Variants in RTEL1 observed in about 807,000 individuals in gnomAD.
The protein encoded by RTEL1 is regulator of telomere length.
RTEL1 carries 86 observed loss-of-function variants against 162.2 expected under a neutral mutation model. That is an observed-to-expected ratio of 0.53 (90% CI 0.45 to 0.63). RTEL1 has a LOEUF of 0.63. Among genes scored for constraint, RTEL1 ranks in the 30% least tolerant of loss-of-function variants. RTEL1 has a pLI of 0.00. For missense variants in RTEL1, 1,941 were observed against 1,750.2 expected, an observed-to-expected ratio of 1.11 and a Z score of -1.95; for synonymous variants, 958 against 717.9, an observed-to-expected ratio of 1.33 and a Z score of -5.35.
In RTEL1 at chr20:63,692,971, C is replaced by T. The variant is rs1471919191; in HGVS notation, c.2819C>T (p.Ala940Val). The T allele has an allele frequency of 7.4e-6, 12 of 1,612,624 alleles. No homozygotes were observed. The highest frequency in any genetic ancestry group is 1.0e-5 in the Non-Finnish European group (12 of 1,179,832). The part of the protein sequence containing the change: ...ALAACLGPLF[A>V]EDPKKHNLLQ... ...GCCGCCTGTCTCGGCCCCCTCTTTGCTGAGGACCCCAAGAAGCACAACCTG... is the reference window on the plus strand; with the variant it reads ...GCCGCCTGTCTCGGCCCCCTCTTTGTTGAGGACCCCAAGAAGCACAACCTG... The change falls in exon 29 of 35, where the codon GCT (alanine) becomes GTT (valine). Residue 940 changes from alanine (A) to valine (V), a missense_variant. Transcript: ENST00000360203.
At chr20:63,671,583 G>A (rs1170163592) in intron 8 of RTEL1, among the ~76,000 whole-genome samples, 2 of 150,208 alleles carry the variant, frequency 1.3e-5, no homozygotes, top group South Asian at 2.1e-4. Context: ...CTGGGTTCAC[G>A]CCATTCTCCT....
Position 63,687,626 on chromosome 20 carries a change from C to A in RTEL1, c.1349-12C>A. On this transcript the variant is annotated splice_polypyrimidine_tract_variant and intron_variant, in intron 16 of 34. Coordinates refer to ENST00000360203, the MANE Select transcript of RTEL1 (RefSeq NM_001283009.2). ...TCACACTCTGTGCCCTCTGCCGCCC[C>A]CCGCCCCACAGGGAAGGTGCTGAGC... 6.3e-7 allele frequency: 1 copy of A among 1,599,484 alleles called. No individual in the cohort carries two copies. The highest frequency in any genetic ancestry group is 8.5e-7 in the Non-Finnish European group (1 of 1,173,830).
Position 63,668,312 on chromosome 20 carries a change from T to C in RTEL1, c.699+759T>C, listed in dbSNP as rs992473292. Among the ~76,000 whole-genome samples the C allele has an allele frequency of 2.6e-5, 4 of 152,202 alleles. No homozygotes were observed. The highest frequency in any genetic ancestry group is 4.4e-5 in the Non-Finnish European group (3 of 68,044). Reference sequence around the variant, plus strand: ...TGGTGACGTTTCCAGATCCCGTCGTTGGTTCGCTCATTCTCGGGGTGTATA... The same window carrying C: ...TGGTGACGTTTCCAGATCCCGTCGTCGGTTCGCTCATTCTCGGGGTGTATA... On this transcript the variant is annotated intron_variant, in intron 8 of 34. Coordinates refer to ENST00000360203, the MANE Select transcript of RTEL1 (RefSeq NM_001283009.2). This position sits in a 1 kb window ranked among gnomAD's most constrained non-coding sequence, Gnocchi z 4.3.
At chr20:63,693,091 T>C (rs1464574075) in intron 29 of RTEL1, 52 bp from the exon 30 acceptor site, 3 of 1,611,430 alleles carry the variant, frequency 1.9e-6, no homozygotes, top group African/African-American at 2.7e-5. Flanking sequence ...AGGTGGTCTC[T>C]GTTCTCTAGA....
chr20:63,693,047 C>A, intron 29 of RTEL1, 44 bp downstream of exon 29: 1 of 1,609,946 alleles, frequency 6.2e-7, no homozygotes, highest in Non-Finnish European at 8.5e-7. Context: ...GGCAGTGCTG[C>A]CGCCGCGTGT....
In RTEL1 at chr20:63,693,164, C is replaced by G; in HGVS notation, c.2873C>G (p.Pro958Arg). 3 of 1,612,196 alleles carry G rather than the reference C, an allele frequency of 1.9e-6. No individual in the cohort carries two copies. The highest frequency in any genetic ancestry group is 2.5e-6 in the Non-Finnish European group (3 of 1,179,562). Residue 958 changes from proline (P) to arginine (R), a missense_variant, in exon 30 of 35, where the codon CCC (proline) becomes CGC (arginine). Pro to Arg is a moderately radical substitution (Grantham distance 103). Coordinates refer to ENST00000360203, the MANE Select transcript of RTEL1 (RefSeq NM_001283009.2). Reference protein sequence around the residue: ...LLQGFYQFVRPHHKQQFEEVC... With the variant: ...LLQGFYQFVRRHHKQQFEEVC... ...ACAGGCTTCTACCAGTTTGTGCGGC[C>G]CCACCATAAGCAGCAGTTTGAGGAG...
Position 63,667,789 on chromosome 20 carries a change from A to G in RTEL1, c.699+236A>G, listed in dbSNP as rs527769397. Among the ~76,000 whole-genome samples the G allele has an allele frequency of 2.0e-5, 3 of 152,110 alleles. No homozygotes were observed. The East Asian group carries it at 5.8e-4, about 29-fold the overall frequency. Reference sequence around the variant, plus strand: ...AGCGGGCAGGCTGGTGGGAGTGAGGAGAGACCTCCAGGCTGTGGTCCATAG... The same window carrying G: ...AGCGGGCAGGCTGGTGGGAGTGAGGGGAGACCTCCAGGCTGTGGTCCATAG... On this transcript the variant is annotated intron_variant, in intron 8 of 34. Coordinates refer to ENST00000360203, the MANE Select transcript of RTEL1 (RefSeq NM_001283009.2).
chr20:63,689,362 A>G, intron 22 of RTEL1, 140 bp from the exon 23 acceptor site: 1 of 1,032,046 alleles, frequency 9.7e-7, no homozygotes, highest in Non-Finnish European at 1.4e-6. Flanking sequence ...GTGGACCCCA[A>G]GTGGGGTCCT....
intron 14 of RTEL1, among the ~76,000 whole-genome samples, chr20:63,684,645 A>G (rs2090551145): frequency 6.6e-6 from 1 of 151,802 alleles, no homozygotes; most frequent in Non-Finnish European, 1.5e-5. Context: ...GCCCAGCCTG[A>G]TATTTTTAGT....
chr20:63,693,334 T>C (rs760116252), intron 30 of RTEL1, 51 bp downstream of exon 30: 2 of 1,604,090 alleles, frequency 1.2e-6, no homozygotes, highest in Middle Eastern at 3.5e-4. Flanking sequence ...GAAGGCAGTG[T>C]GGGCCAGAGT....
rs765010188 is a variant in RTEL1, at chr20:63,685,609, C to T, written c.1266+12C>T. 1.3e-5 allele frequency: 21 copies of T among 1,608,068 alleles called. No homozygotes were observed. The South Asian group carries it at 1.7e-4, about 13-fold the overall frequency. Reference sequence around the variant, plus strand: ...TACAGTCCTATAAGGTAGGGGCCACCTCCAGGAGGCAGGTGGAGGGCAGCC... The same window carrying T: ...TACAGTCCTATAAGGTAGGGGCCACTTCCAGGAGGCAGGTGGAGGGCAGCC... On this transcript the variant is annotated intron_variant, in intron 15 of 34. Transcript: ENST00000360203.
At position 63,692,950 on chromosome 20, in the gene RTEL1, C is replaced by T. The variant is rs541761600; in HGVS notation, c.2798C>T (p.Ala933Val). 4.3e-6 allele frequency: 7 copies of T among 1,612,674 alleles called. No homozygotes were observed. The highest frequency in any genetic ancestry group is 3.3e-5 in the South Asian group (3 of 91,086). Residue 933 changes from alanine to valine, a missense_variant, in exon 29 of 35, where the codon GCC becomes GTC. Transcript: ENST00000360203. ...TCCGATGACTTCGCCGCCCTGGCCG[C>T]CTGTCTCGGCCCCCTCTTTGCTGAG... ...KGSDDFAALA[A>V]CLGPLFAEDP...
intron 14 of RTEL1, chr20:63,681,140 C>T (rs577987525): frequency 3.1e-5 from 31 of 985,416 alleles, no homozygotes; most frequent in African/African-American, 3.5e-5. Context: ...TGCAGGTTCC[C>T]GGCAGGGGTG....
rs1834089494 is a variant in RTEL1 at position 63,691,666 on chromosome 20, T to C, written c.2557-76T>C. 4 of 1,318,834 alleles carry C rather than the reference T, an allele frequency of 3.0e-6. No homozygotes were observed. In the Admixed American group the frequency reaches 5.4e-5, roughly 18 times the overall value. The allele number at this position is 1,318,834 out of a possible 1,614,324, so 81.7% of individuals were successfully genotyped here. A position where few individuals can be genotyped will look rare whatever the true frequency, so the allele number is the denominator to read the frequency against. ...CAGGGCTCCTTGGGACCATCTTCCCTGTGCGTCCAGGTGCTTTGGGACCCC... is the reference window on the plus strand; with the variant it reads ...CAGGGCTCCTTGGGACCATCTTCCCCGTGCGTCCAGGTGCTTTGGGACCCC... On this transcript the variant is annotated intron_variant, in intron 27 of 34. Coordinates refer to ENST00000360203, the MANE Select transcript of RTEL1 (RefSeq NM_001283009.2).
Position 63,689,839 on chromosome 20 carries a change from C to CT in RTEL1, c.2115_2116insT (p.Gly706TrpfsTer7). The CT allele has an allele frequency of 6.2e-7, 1 of 1,610,790 alleles. No individual in the cohort carries two copies. The highest frequency in any genetic ancestry group is 8.5e-7 in the Non-Finnish European group (1 of 1,179,744). On this transcript the variant is annotated frameshift_variant, in exon 24 of 35. Transcript: ENST00000360203. LOFTEE classifies it high-confidence loss of function. ...GAGTGATCCGGCACCGCCAGGACTA[C>CT]GGAGCTGTCTTCCTCTGTGACCACA...
intron 30 of RTEL1, 68 bp from the exon 31 acceptor site, chr20:63,694,304 G>GCCCCCCCCCCC: frequency 2.5e-6 from 2 of 812,998 alleles, no homozygotes; most frequent in Non-Finnish European, 4.2e-6. Context: ...AGCCAGCCCT[G>GCCCCCCCCCCC]CCCCCCCACC....
At chr20:63,665,619 G>A (rs1440649939) in intron 6 of RTEL1, among the ~76,000 whole-genome samples, 1 of 152,180 alleles carries the variant, frequency 6.6e-6, no homozygotes, top group African/African-American at 2.4e-5. Context: ...GTTTGTGGGA[G>A]ATGCCTCTGT....
intron 30 of RTEL1, 103 bp downstream of exon 30, chr20:63,693,386 C>A (rs937216246): frequency 9.8e-6 from 14 of 1,430,524 alleles, no homozygotes; most frequent in Non-Finnish European, 1.1e-5. Context: ...CCTGCTTGGC[C>A]CCGCCTCTCT....
chr20:63,690,891 C>A lies in RTEL1; in HGVS notation c.2500C>A (p.Leu834Met). ...PVPARQRPRGLLAALEHSEQR... is the reference protein window; with the variant it reads ...PVPARQRPRGMLAALEHSEQR... ...TCCTGCCCGGCAGAGGCCCAGGGGG[C>A]TGCTGGCCGCCCTGGAGCACAGCGA... The change falls in exon 27 of 35, where the codon CTG becomes ATG. Residue 834 changes from leucine (L) to methionine (M), a missense_variant. Coordinates refer to ENST00000360203, the MANE Select transcript of RTEL1 (RefSeq NM_001283009.2). 1 of 1,586,902 alleles carries A rather than the reference C, an allele frequency of 6.3e-7. No homozygotes were observed. Among genetic ancestry groups the A allele is most frequent in the Non-Finnish European group, 8.6e-7 (1 of 1,167,520 alleles).
Sources: allele counts gnomAD v4.1 joint callset (sites outside exome capture counted in the v4.1 genomes callset), GRCh38; gene constraint gnomAD v4.1.1; non-coding constraint Gnocchi (gnomAD v3.1); transcripts MANE v1.5; gene names NCBI Gene and HGNC (gene_info 2026-07-23, HGNC 2026-07-21).